Variants in TMEM178B observed in about 807,000 individuals in gnomAD.
The protein encoded by TMEM178B is transmembrane protein 178B.
Under a neutral mutation model 31.0 loss-of-function variants are expected in TMEM178B, and 5 were observed. The ratio of observed to expected loss-of-function variants is 0.16; its 90% CI spans 0.08 to 0.34. The LOEUF (loss-of-function observed/expected upper bound fraction) is 0.34, where lower values mean the gene tolerates loss of function less well. TMEM178B is among the 10% of genes least tolerant of loss of function. The pLI, the probability that TMEM178B is intolerant of heterozygous loss-of-function variation, is 1.00. For missense variants in TMEM178B, 275 were observed against 400.3 expected (o/e 0.69, Z 2.67); for synonymous variants, 164 against 164.0 (o/e 1.00, Z 0.00).
chr7:141,102,705 AG>A (rs1439352822), intron 1 of TMEM178B, among the ~76,000 whole-genome samples: 1 of 152,220 alleles, frequency 6.6e-6, no homozygotes, highest in Non-Finnish European at 1.5e-5. Flanking sequence ...TTGTCGATCT[AG>A]AGGAGTACAG....
intron 2 of TMEM178B, among the ~76,000 whole-genome samples, chr7:141,229,767 T>TA (rs1006110792): frequency 2.8e-4 from 42 of 148,562 alleles, no homozygotes; most frequent in Non-Finnish European, 2.7e-4. Flanking sequence ...TACGAAAAAT[T>TA]AAAAAAAAAA....
chr7:141,486,413 G>T, the TMEM178B span, among the ~76,000 whole-genome samples: 2 of 152,146 alleles, frequency 1.3e-5, no homozygotes, highest in East Asian at 3.8e-4. Flanking sequence ...TTAAAAAAGA[G>T]CCCTGCTTCA....
At chr7:141,382,867 G>A (rs542540675) in intron 2 of TMEM178B, among the ~76,000 whole-genome samples, 9 of 152,262 alleles carry the variant, frequency 5.9e-5, no homozygotes, top group African/African-American at 2.2e-4. Context: ...TTATATCTCT[G>A]GAGTCTTTTA....
chr7:141,455,964 G>C (rs1801954486), intron 3 of TMEM178B, among the ~76,000 whole-genome samples: 1 of 152,250 alleles, frequency 6.6e-6, no homozygotes, highest in African/African-American at 2.4e-5. Flanking sequence ...GCAGAAGCCG[G>C]AGAGATTTCA....
intron 2 of TMEM178B, among the ~76,000 whole-genome samples, chr7:141,219,903 C>G (rs77868809): frequency 0.014 from 2,129 of 152,238 alleles, 33 homozygotes; most frequent in South Asian, 0.053. Context: ...GATGAACATG[C>G]TTGAGTTAGG....
downstream of TMEM178B, among the ~76,000 whole-genome samples, chr7:141,484,842 G>A (rs999733926): frequency 3.3e-5 from 5 of 152,064 alleles, no homozygotes; most frequent in Non-Finnish European, 5.9e-5. This position sits in a 1 kb window ranked among gnomAD's most constrained non-coding sequence, Gnocchi z 4.8. Context: ...GATTACAGAC[G>A]TGAGCCGGGC....
At chr7:141,421,716 T>C (rs1801213620) in intron 2 of TMEM178B, among the ~76,000 whole-genome samples, 1 of 152,318 alleles carries the variant, frequency 6.6e-6, no homozygotes, top group East Asian at 1.9e-4. Context: ...AAATCCTAGC[T>C]TTATCATCAT....
At chr7:141,381,367 G>A (rs1261427806) in intron 2 of TMEM178B, among the ~76,000 whole-genome samples, 1 of 152,200 alleles carries the variant, frequency 6.6e-6, no homozygotes, top group African/African-American at 2.4e-5. Flanking sequence ...AGTAGAAGAA[G>A]TAATTTCCAT....
intron 2 of TMEM178B, among the ~76,000 whole-genome samples, chr7:141,374,444 C>T (rs1800175495): frequency 6.6e-6 from 1 of 152,186 alleles, no homozygotes; most frequent in Admixed American, 6.5e-5. Flanking sequence ...AACCTTCTCC[C>T]ACCTCTTCTT....
At chr7:141,366,431 T>C (rs1177118972) in intron 2 of TMEM178B, among the ~76,000 whole-genome samples, 1 of 152,350 alleles carries the variant, frequency 6.6e-6, no homozygotes, top group Admixed American at 6.5e-5. Context: ...CCTGACTTGG[T>C]TGCCTGTTAG....
intron 1 of TMEM178B, among the ~76,000 whole-genome samples, chr7:141,168,001 A>G (rs1470662601): frequency 6.6e-6 from 1 of 152,228 alleles, no homozygotes; most frequent in East Asian, 1.9e-4. Flanking sequence ...AATTTGCTGC[A>G]GCCAGACTCT....
intron 1 of TMEM178B, among the ~76,000 whole-genome samples, chr7:141,157,520 C>T (rs1374241078): frequency 6.6e-6 from 1 of 151,994 alleles, no homozygotes; most frequent in Non-Finnish European, 1.5e-5. Context: ...AACAGAACAA[C>T]AACAACAACA....
intron 2 of TMEM178B, among the ~76,000 whole-genome samples, chr7:141,426,725 A>G (rs1377863888): frequency 6.6e-6 from 1 of 152,168 alleles, no homozygotes; most frequent in Non-Finnish European, 1.5e-5. Flanking sequence ...AAACATAAAA[A>G]CTATCTTATT....
chr7:141,175,043 A>G (rs1215655658), intron 1 of TMEM178B, among the ~76,000 whole-genome samples: 1 of 152,126 alleles, frequency 6.6e-6, no homozygotes. Context: ...GCCCATGCCT[A>G]TGTCCTGAAT....
chr7:141,108,839 C>A (rs144414874), intron 1 of TMEM178B, among the ~76,000 whole-genome samples: 55 of 152,272 alleles, frequency 3.6e-4, no homozygotes, highest in African/African-American at 1.3e-3. Flanking sequence ...CGTTTTCTTG[C>A]TGCTGATAAA....
In TMEM178B at chr7:141,294,482, A is replaced by C. The variant is rs112359439; in HGVS notation, c.496+81778A>C. ...ACATAAAGATGCTTAACAGAAAGAA[A>C]TAGGCAGTTGAAAGAGACAAAGTTA... On this transcript the variant is annotated intron_variant, in intron 2 of 3. Transcript: ENST00000565468. Among the ~76,000 whole-genome samples the C allele has an allele frequency of 2.7e-3, 405 of 152,348 alleles. 4 individuals are homozygous for C. Among genetic ancestry groups the C allele is most frequent in the African/African-American group, 9.3e-3 (385 of 41,582 alleles).
At chr7:141,408,667 A>G (rs1357848915) in intron 2 of TMEM178B, among the ~76,000 whole-genome samples, 1 of 152,238 alleles carries the variant, frequency 6.6e-6, no homozygotes, top group Non-Finnish European at 1.5e-5. Context: ...GAGAGAATGC[A>G]GTGTGTAAAG....
At chr7:141,406,368 A>G (rs1177638474) in intron 2 of TMEM178B, among the ~76,000 whole-genome samples, 1 of 152,044 alleles carries the variant, frequency 6.6e-6, no homozygotes, top group African/African-American at 2.4e-5. Context: ...TTGACCCTGT[A>G]CTTAACCAAA....
chr7:141,270,148 T>G (rs1798158149), intron 2 of TMEM178B, among the ~76,000 whole-genome samples: 1 of 152,068 alleles, frequency 6.6e-6, no homozygotes, highest in Non-Finnish European at 1.5e-5. Context: ...TGGAAGAATA[T>G]AGTAGCAGAA....
Sources: gnomAD v4.1 joint callset for allele counts (sites outside exome capture counted in the v4.1 genomes callset) on GRCh38, gnomAD v4.1.1 for gene constraint, Gnocchi (gnomAD v3.1) non-coding constraint, MANE v1.5 for transcripts, NCBI Gene and HGNC (gene_info 2026-07-23, HGNC 2026-07-21) for gene names.